The following DCP1A variants were observed in gnomAD, a reference collection of about 807,000 sequenced individuals.
The protein encoded by DCP1A is decapping mRNA 1A.
Under a neutral mutation model 58.0 loss-of-function variants are expected in DCP1A, and 20 were observed. The ratio of observed to expected loss-of-function variants is 0.34; its 90% CI spans 0.24 to 0.50. The LOEUF is 0.50. DCP1A is among the 20% of genes least tolerant of loss of function. The pLI is 0.98. For missense variants in DCP1A, 613 were observed against 712.2 expected, an observed-to-expected ratio of 0.86 and a Z score of 1.59; for synonymous variants, 285 against 275.1, an observed-to-expected ratio of 1.04 and a Z score of -0.36.
chr3:53,296,735 C>T (rs1707140293), intron 6 of DCP1A, among the ~76,000 whole-genome samples: 1 of 152,190 alleles, frequency 6.6e-6, no homozygotes, highest in Non-Finnish European at 1.5e-5. Flanking sequence ...GAATAATGTT[C>T]CAATGCATGT....
At chr3:53,314,636 G>A (rs1417701292) in intron 4 of DCP1A, among the ~76,000 whole-genome samples, 1 of 144,848 alleles carries the variant, frequency 6.9e-6, no homozygotes, top group Non-Finnish European at 1.5e-5. Context: ...TGATTATTTT[G>A]GTTTAAGAGA....
intron 3 of DCP1A, among the ~76,000 whole-genome samples, chr3:53,331,511 G>A (rs2089003560): frequency 6.6e-6 from 1 of 152,178 alleles, no homozygotes. Flanking sequence ...TGCTGTACAG[G>A]TTTGTAGCCT....
chr3:53,328,046 G>A (rs1371016158), intron 3 of DCP1A, among the ~76,000 whole-genome samples: 1 of 152,144 alleles, frequency 6.6e-6, no homozygotes. Context: ...CTTGAACCTG[G>A]GTGGTGGAGG....
intron 6 of DCP1A, among the ~76,000 whole-genome samples, chr3:53,302,425 C>T (rs781876859): frequency 6.6e-6 from 1 of 152,116 alleles, no homozygotes; most frequent in Non-Finnish European, 1.5e-5. Context: ...GAACAAGGCT[C>T]ATAAAACTGC....
intron 5 of DCP1A, among the ~76,000 whole-genome samples, chr3:53,309,369 C>CAAAAA: frequency 1.1e-5 from 1 of 94,724 alleles, no homozygotes; most frequent in Non-Finnish European, 2.2e-5. Flanking sequence ...GACTCCATCT[C>CAAAAA]AAAAAAAAAA....
At position 53,304,217 on chromosome 3, in the gene DCP1A, G is replaced by C. The variant is rs782809151; in HGVS notation, c.584C>G (p.Thr195Ser). 3 of 1,613,738 alleles carry C rather than the reference G, an allele frequency of 1.9e-6. No homozygotes were observed. In the South Asian group the frequency reaches 3.3e-5, roughly 18 times the overall value. The change falls in exon 6 of 10, where the codon ACC becomes AGC. Residue 195 changes from threonine to serine, a missense_variant. Thr to Ser is a moderately conservative substitution (Grantham distance 58). Around this residue, in one of 3 missense-constraint regions of DCP1A, gnomAD observed 498 missense variants for 556.7 expected, o/e 0.89. Transcript: ENST00000610213. ...PSTQLSNLGS[T>S]ETLEEMPSGS... ...GGAGGGCATTTCTTCTAGAGTCTCGGTGCTTCCCAGATTGGAGAGCTGAGT... is the reference window on the plus strand; with the variant it reads ...GGAGGGCATTTCTTCTAGAGTCTCGCTGCTTCCCAGATTGGAGAGCTGAGT...
At chr3:53,306,577 C>T (rs958791097) in intron 5 of DCP1A, among the ~76,000 whole-genome samples, 8 of 151,722 alleles carry the variant, frequency 5.3e-5, no homozygotes, top group Non-Finnish European at 7.4e-5. Flanking sequence ...AGAGACCATC[C>T]TGGCTAACAC....
chr3:53,290,737 C>A lies in DCP1A; in HGVS notation c.1449+54G>T, dbSNP rs139695097. 692 of 1,307,528 alleles carry A rather than the reference C, an allele frequency of 5.3e-4. 4 individuals carry two copies. The African/African-American group carries it at 9.3e-3, about 18-fold the overall frequency. 81.0% of individuals were successfully genotyped at this position (1,307,528 alleles called of 1,614,324 possible). A position where few individuals can be genotyped will look rare whatever the true frequency, so the allele number is the denominator to read the frequency against. On this transcript the variant is annotated intron_variant, in intron 8 of 9. Coordinates refer to ENST00000610213, the MANE Select transcript of DCP1A (RefSeq NM_018403.7). ...CTCTTTCTACTTTCTCACTATGGCA[C>A]CCGACTAGTCTTAAAAAAAAAAAAA...
At chr3:53,328,802 G>A (rs1201187032) in intron 3 of DCP1A, among the ~76,000 whole-genome samples, 3 of 152,264 alleles carry the variant, frequency 2.0e-5, no homozygotes, top group African/African-American at 4.8e-5. Flanking sequence ...CTATGTTTTC[G>A]TGGTGATTTT....
At chr3:53,290,748 TTAA>T (rs1706829579) in intron 8 of DCP1A, 40 bp downstream of exon 8, 1 of 970,246 alleles carries the variant, frequency 1.0e-6, no homozygotes. Context: ...CCGACTAGTC[TTAA>T]AAAAAAAAAA....
At chr3:53,312,899 A>G (rs1223426517) in intron 4 of DCP1A, among the ~76,000 whole-genome samples, 1 of 152,244 alleles carries the variant, frequency 6.6e-6, no homozygotes, top group Non-Finnish European at 1.5e-5. Context: ...TTTACCCTTC[A>G]GAAGGATAAA....
At chr3:53,289,333 G>C (rs376381275) in intron 8 of DCP1A, among the ~76,000 whole-genome samples, 1 of 151,184 alleles carries the variant, frequency 6.6e-6, no homozygotes, top group Admixed American at 6.6e-5. Flanking sequence ...AATTATGGCC[G>C]GGAGTGGTGG....
chr3:53,345,939 G>T (rs1167926060), intron 1 of DCP1A, among the ~76,000 whole-genome samples: 1 of 152,134 alleles, frequency 6.6e-6, no homozygotes, highest in Non-Finnish European at 1.5e-5. Flanking sequence ...AGAGGGAAAA[G>T]ATTTTTGTCA....
At chr3:53,309,086 T>C (rs1559690443) in intron 5 of DCP1A, among the ~76,000 whole-genome samples, 1 of 152,114 alleles carries the variant, frequency 6.6e-6, no homozygotes, top group Non-Finnish European at 1.5e-5. Flanking sequence ...AATAAGAAAG[T>C]TGAGGCTAGG....
chr3:53,293,572 T>C (rs1707004969), intron 6 of DCP1A, among the ~76,000 whole-genome samples: 1 of 152,134 alleles, frequency 6.6e-6, no homozygotes, highest in African/African-American at 2.4e-5. Flanking sequence ...TACATTTTAG[T>C]GGGAGACACA....
At chr3:53,308,963 CCAAA>C (rs532472262) in intron 5 of DCP1A, among the ~76,000 whole-genome samples, 37 of 152,150 alleles carry the variant, frequency 2.4e-4, no homozygotes, top group African/African-American at 3.6e-4. Flanking sequence ...TAAACTAAAA[CCAAA>C]CAAACAACCA....
chr3:53,301,228 T>A (rs544386215), intron 6 of DCP1A, among the ~76,000 whole-genome samples: 16 of 152,304 alleles, frequency 1.1e-4, no homozygotes, highest in African/African-American at 3.8e-4. Context: ...ATTGTTGATG[T>A]GAATGTAAGA....
Position 53,325,755 on chromosome 3 carries a change from G to C in DCP1A, c.305-6282C>G, listed in dbSNP as rs193178154. Among the ~76,000 whole-genome samples, 569 of 152,200 alleles carry C rather than the reference G, an allele frequency of 3.7e-3. 4 individuals are homozygous for C. Among genetic ancestry groups the C allele is most frequent in the Non-Finnish European group, 3.6e-3 (244 of 68,018 alleles). On this transcript the variant is annotated intron_variant, in intron 3 of 9. Coordinates refer to ENST00000610213, the MANE Select transcript of DCP1A (RefSeq NM_018403.7). Reference sequence around the variant, plus strand: ...TCAAAGGGTTAGGAAAGAGTGAGAAGACAAGAAAGGCTCTAGGATAGAGGG... The same window carrying C: ...TCAAAGGGTTAGGAAAGAGTGAGAACACAAGAAAGGCTCTAGGATAGAGGG...
In DCP1A at chr3:53,347,247, G is replaced by C; in HGVS notation, c.135+136C>G. 13 of 1,105,796 alleles carry C rather than the reference G, an allele frequency of 1.2e-5. No individual in the cohort carries two copies. In the South Asian group the frequency reaches 2.5e-4, roughly 22 times the overall value. The allele number at this position is 1,105,796 out of a possible 1,614,324, so 68.5% of individuals were successfully genotyped here. Reference sequence around the variant, plus strand: ...CCGACACCCCTCAGGCTCTGGCTAGGCTCTTGGCCAGACCCTGGCCTCGTC... The same window carrying C: ...CCGACACCCCTCAGGCTCTGGCTAGCCTCTTGGCCAGACCCTGGCCTCGTC... On this transcript the variant is annotated intron_variant, in intron 1 of 9. Transcript: ENST00000610213.
Sources: gnomAD v4.1 joint callset for allele counts (sites outside exome capture counted in the v4.1 genomes callset) on GRCh38, gnomAD v4.1.1 for gene constraint, gnomAD v4.1.1 regional missense constraint, MANE v1.5 for transcripts, NCBI Gene and HGNC (gene_info 2026-07-23, HGNC 2026-07-21) for gene names.